JAKMIP3: variants seen among roughly 807,000 people sequenced by gnomAD.
JAKMIP3 encodes the protein Janus kinase and microtubule interacting protein 3.
A neutral mutation model predicts 118.5 loss-of-function variants in JAKMIP3; 58 were observed. That is an observed-to-expected ratio of 0.49 (90% CI 0.40 to 0.61). The LOEUF is 0.61. Among genes scored for constraint, JAKMIP3 ranks in the 20% least tolerant of loss-of-function variants. The pLI, the probability that JAKMIP3 is intolerant of heterozygous loss-of-function variation, is 0.00. For missense variants in JAKMIP3, 950 were observed against 1,109.0 expected, an observed-to-expected ratio of 0.86 and a Z score of 2.04; for synonymous variants, 486 against 451.2, an observed-to-expected ratio of 1.08 and a Z score of -0.98.
At chr10:132,063,950 G>A, upstream of JAKMIP3, among the ~76,000 whole-genome samples, 1 of 152,184 alleles carries the variant, frequency 6.6e-6, no homozygotes, top group East Asian at 1.9e-4. Context: ...CAAATAATGT[G>A]ATCATACTAT....
chr10:132,151,880 T>TG (rs1480917474), intron 16 of JAKMIP3, among the ~76,000 whole-genome samples: 1 of 152,242 alleles, frequency 6.6e-6, no homozygotes, highest in Non-Finnish European at 1.5e-5. Flanking sequence ...CCTGTGGAGA[T>TG]GCTGGGGAGC....
intron 2 of JAKMIP3, among the ~76,000 whole-genome samples, chr10:132,113,394 A>T (rs2047158765): frequency 6.6e-6 from 1 of 152,132 alleles, no homozygotes; most frequent in Non-Finnish European, 1.5e-5. Context: ...TGTGACAGTG[A>T]CTCCACTGTT....
chr10:132,047,480 T>C (rs1029524373), intron 1 of JAKMIP3, among the ~76,000 whole-genome samples: 1 of 152,224 alleles, frequency 6.6e-6, no homozygotes, highest in Non-Finnish European at 1.5e-5. Context: ...CAGATAAAGT[T>C]CTTTTTCTTT....
At chr10:132,096,224 A>T (rs1259819068) in intron 1 of JAKMIP3, among the ~76,000 whole-genome samples, 1 of 152,226 alleles carries the variant, frequency 6.6e-6, no homozygotes, top group Non-Finnish European at 1.5e-5. Flanking sequence ...TGATATTTTT[A>T]AAACACTGGT....
intron 1 of JAKMIP3, among the ~76,000 whole-genome samples, chr10:132,066,898 C>T (rs2133895137): frequency 6.6e-6 from 1 of 152,256 alleles, no homozygotes; most frequent in East Asian, 1.9e-4. Context: ...GCCGGGAAAC[C>T]ATGCAGGCAC....
upstream of JAKMIP3, among the ~76,000 whole-genome samples, chr10:132,036,408 G>A (rs1365768739): frequency 2.0e-5 from 3 of 152,222 alleles, no homozygotes; most frequent in African/African-American, 4.8e-5. Flanking sequence ...CTGAGCGGCG[G>A]GTGAGTCCCT....
intron 14 of JAKMIP3, among the ~76,000 whole-genome samples, chr10:132,148,450 C>T (rs2055103795): frequency 6.6e-6 from 1 of 151,848 alleles, no homozygotes. Flanking sequence ...GTCCGTCCTC[C>T]ATCTGCCCGT....
At chr10:132,101,761 T>C (rs9419365) in intron 1 of JAKMIP3, among the ~76,000 whole-genome samples, 22,549 of 151,734 alleles carry the variant, frequency 0.15, 1,838 homozygotes, top group East Asian at 0.29. Flanking sequence ...AGGACTTGAA[T>C]GGAGGTGGGA....
chr10:132,151,259 CT>C (rs1383355900), intron 16 of JAKMIP3, among the ~76,000 whole-genome samples: 1 of 152,168 alleles, frequency 6.6e-6, no homozygotes, highest in Admixed American at 6.5e-5. Flanking sequence ...TCTTTCCATC[CT>C]TCATCCTTTA....
intron 3 of JAKMIP3, among the ~76,000 whole-genome samples, chr10:132,120,175 G>A (rs2048319918): frequency 6.6e-6 from 1 of 152,202 alleles, no homozygotes; most frequent in Admixed American, 6.5e-5. Context: ...TTTTCCTACA[G>A]AATCCATAGA....
In JAKMIP3 at chr10:132,183,764, A is replaced by G. The variant is rs935705457; in HGVS notation, c.*2511A>G. On this transcript the variant is annotated 3_prime_UTR_variant, in exon 24 of 24. Coordinates refer to ENST00000684848, the MANE Select transcript of JAKMIP3 (RefSeq NM_001323087.2). ...ATAGGCACCTTCTTTACATCTGATT[A>G]CAATACCCAGCATTTCAGAACTGGG... 2.0e-5 allele frequency: 3 copies of G among 152,208 alleles called. No homozygotes were observed. Among genetic ancestry groups the G allele is most frequent in the African/African-American group, 7.2e-5 (3 of 41,456 alleles). 9.4% of individuals were successfully genotyped at this position (152,208 alleles called of 1,614,324 possible). A position where few individuals can be genotyped will look rare whatever the true frequency, so the allele number is the denominator to read the frequency against.
intron 1 of JAKMIP3, among the ~76,000 whole-genome samples, chr10:132,040,543 AT>A (rs1054008598): frequency 6.6e-6 from 1 of 151,844 alleles, no homozygotes; most frequent in Non-Finnish European, 1.5e-5. Context: ...ATTCATGAGC[AT>A]TTTTTTACTA....
At chr10:132,074,064 T>G (rs2040401270) in intron 1 of JAKMIP3, among the ~76,000 whole-genome samples, 2 of 152,206 alleles carry the variant, frequency 1.3e-5, no homozygotes, top group Admixed American at 1.3e-4. Flanking sequence ...TTTGTTTTGT[T>G]TTTTTGAGAC....
chr10:132,139,039 C>T (rs1423020678), intron 9 of JAKMIP3, among the ~76,000 whole-genome samples: 1 of 134,056 alleles, frequency 7.5e-6, no homozygotes, highest in Non-Finnish European at 1.6e-5. Flanking sequence ...TCATCTCCTG[C>T]TTTATGTTGA....
intron 21 of JAKMIP3, among the ~76,000 whole-genome samples, chr10:132,165,770 C>T (rs1162335170): frequency 6.6e-6 from 1 of 152,248 alleles, no homozygotes; most frequent in Non-Finnish European, 1.5e-5. Context: ...GACACCCATG[C>T]CCTTCCACTG....
chr10:132,130,929 G>A (rs945374216), intron 3 of JAKMIP3, among the ~76,000 whole-genome samples: 4 of 151,910 alleles, frequency 2.6e-5, no homozygotes, highest in Non-Finnish European at 4.4e-5. Context: ...GCCGTCACAG[G>A]TGGCTGTGAT....
rs755405646 is a variant in JAKMIP3, at chr10:132,135,100, T to C, written c.909T>C (p.Ser303=). 2 of 1,613,418 alleles carry C rather than the reference T, an allele frequency of 1.2e-6. No individual in the cohort carries two copies. Among genetic ancestry groups the C allele is most frequent in the Admixed American group, 3.3e-5 (2 of 60,016 alleles). Residue 303 remains serine, a synonymous_variant, in exon 5 of 24, where the codon AGT becomes AGC. Coordinates refer to ENST00000684848, the MANE Select transcript of JAKMIP3 (RefSeq NM_001323087.2). ...TCCAGCTTAAAATCGCGGAGTTAAGTGCGATTATCCGCAAACTGGAGGACC... is the reference window on the plus strand; with the variant it reads ...TCCAGCTTAAAATCGCGGAGTTAAGCGCGATTATCCGCAAACTGGAGGACC... ...RRFQLKIAEL[S]AIIRKLEDRN...
intron 2 of JAKMIP3, among the ~76,000 whole-genome samples, chr10:132,109,591 C>T (rs1444098180): frequency 1.3e-5 from 2 of 152,136 alleles, no homozygotes; most frequent in East Asian, 3.9e-4. Context: ...ACCTGAGGGC[C>T]CTGAGGATCC....
chr10:132,135,032 T>C lies in JAKMIP3; in HGVS notation c.850-9T>C. 8.1e-6 allele frequency: 13 copies of C among 1,612,308 alleles called. No homozygotes were observed. Among genetic ancestry groups the C allele is most frequent in the Non-Finnish European group, 1.0e-5 (12 of 1,178,410 alleles). On this transcript the variant is annotated splice_polypyrimidine_tract_variant and intron_variant, in intron 4 of 23. Coordinates refer to ENST00000684848, the MANE Select transcript of JAKMIP3 (RefSeq NM_001323087.2). ...AGGAACCGTTATTTGCAGTTGATTT[T>C]TGTTTTAGGAACAGCAGTTGGATGA...
Sources: gnomAD v4.1 joint callset for allele counts (sites outside exome capture counted in the v4.1 genomes callset) on GRCh38, gnomAD v4.1.1 for gene constraint, MANE v1.5 for transcripts, NCBI Gene and HGNC (gene_info 2026-07-23, HGNC 2026-07-21) for gene names.